Variants in DNASE1 observed in about 807,000 individuals in gnomAD.
DNASE1 encodes the protein deoxyribonuclease-1.
A neutral mutation model predicts 33.9 loss-of-function variants in DNASE1; 40 were observed. The observed-to-expected ratio is 1.18, with a 90% CI of 0.92 to 1.54. The LOEUF (loss-of-function observed/expected upper bound fraction) is 1.54. DNASE1 is among the 40% of genes most tolerant of loss of function. The pLI, the probability that DNASE1 is intolerant of heterozygous loss-of-function variation, is 0.00. For missense variants in DNASE1, 518 were observed against 372.6 expected (o/e 1.39, Z -3.21); for synonymous variants, 216 against 160.0 (o/e 1.35, Z -2.64).
downstream of DNASE1, chr16:3,662,866 C>T: frequency 2.5e-6 from 4 of 1,613,230 alleles, no homozygotes; most frequent in Non-Finnish European, 3.4e-6. Flanking sequence ...GTGGTCCATC[C>T]CCGGGAAAGC....
At chr16:3,623,476 C>G (rs1289496417) in intron 1 of DNASE1, among the ~76,000 whole-genome samples, 1 of 152,042 alleles carries the variant, frequency 6.6e-6, no homozygotes, top group Non-Finnish European at 1.5e-5. Context: ...GAAAAATAGG[C>G]AAATGGGACT....
chr16:3,662,918 C>T, downstream of DNASE1: 16 of 1,613,308 alleles, frequency 9.9e-6, no homozygotes, highest in Non-Finnish European at 1.4e-5. Flanking sequence ...GCACATTTCT[C>T]ATCCAGGCCA....
chr16:3,635,205 C>G (rs1301387222), intron 1 of DNASE1, among the ~76,000 whole-genome samples: 1 of 152,038 alleles, frequency 6.6e-6, no homozygotes, highest in East Asian at 1.9e-4. Context: ...TGCCTGTAAT[C>G]CCAGCACTTT....
intron 1 of DNASE1, among the ~76,000 whole-genome samples, chr16:3,625,939 A>G (rs766601071): frequency 1.3e-5 from 2 of 152,160 alleles, no homozygotes; most frequent in Non-Finnish European, 2.9e-5. Context: ...GTCTGAACAA[A>G]CAATTTAAAA....
At chr16:3,653,601 G>GT (rs1334526855), upstream of DNASE1, 1 of 152,050 alleles carries the variant, frequency 6.6e-6, no homozygotes, top group African/African-American at 2.4e-5. Flanking sequence ...AAGGTCACGA[G>GT]TTTGAGACCA....
chr16:3,638,912 C>T (rs542523518), upstream of DNASE1, among the ~76,000 whole-genome samples: 2 of 152,238 alleles, frequency 1.3e-5, no homozygotes, highest in South Asian at 4.2e-4. Flanking sequence ...CTTTTCATTT[C>T]AGGTTTTGTT....
chr16:3,654,595 A>C (rs2042474112), upstream of DNASE1: 1 of 398,802 alleles, frequency 2.5e-6, no homozygotes, highest in East Asian at 3.6e-5. Context: ...CTATCCTGGA[A>C]GATGGGGGCC....
intron 1 of DNASE1, among the ~76,000 whole-genome samples, chr16:3,627,321 G>A (rs2041544680): frequency 6.6e-6 from 1 of 150,644 alleles, no homozygotes; most frequent in Non-Finnish European, 1.5e-5. Context: ...TGTCACCCTG[G>A]CTGGAGTGCA....
chr16:3,649,903 T>C (rs1223298501), upstream of DNASE1, among the ~76,000 whole-genome samples: 2 of 151,940 alleles, frequency 1.3e-5, no homozygotes, highest in African/African-American at 4.8e-5. Flanking sequence ...TATTTCTCGG[T>C]GTGTTTTCCC....
exon 10 of DNASE1, chr16:3,664,005 G>C (rs1410100155): frequency 2.6e-6 from 1 of 391,350 alleles, no homozygotes; most frequent in East Asian, 4.9e-5. Context: ...GGAAGTTGCA[G>C]TGAGCCGAGA....
At chr16:3,650,003 T>TA (rs1338086970), upstream of DNASE1, among the ~76,000 whole-genome samples, 1 of 152,194 alleles carries the variant, frequency 6.6e-6, no homozygotes, top group African/African-American at 2.4e-5. Flanking sequence ...CATCCTTAAA[T>TA]AAAATGACCC....
At chr16:3,645,388 G>C (rs1035330837) in intron 1 of DNASE1, among the ~76,000 whole-genome samples, 1 of 152,250 alleles carries the variant, frequency 6.6e-6, no homozygotes. Flanking sequence ...CTGGAGTCCA[G>C]TTGCAGTTCG....
chr16:3,629,347 T>C (rs375373465), intron 1 of DNASE1, among the ~76,000 whole-genome samples: 21 of 152,148 alleles, frequency 1.4e-4, no homozygotes, highest in African/African-American at 4.6e-4. Context: ...ATTGAGATGA[T>C]GTGATATGTT....
intron 1 of DNASE1, among the ~76,000 whole-genome samples, chr16:3,635,380 C>A (rs1189054996): frequency 1.3e-5 from 2 of 150,038 alleles, no homozygotes. Flanking sequence ...ATTGCTTGAA[C>A]CTGGGAGGCA....
At chr16:3,624,841 A>G (rs2041452682) in intron 1 of DNASE1, among the ~76,000 whole-genome samples, 1 of 152,022 alleles carries the variant, frequency 6.6e-6, no homozygotes, top group Admixed American at 6.6e-5. Context: ...GGTTTCTTCC[A>G]GCACACCTGG....
chr16:3,660,221 C>T (rs1369687883), downstream of DNASE1: 1 of 152,394 alleles, frequency 6.6e-6, no homozygotes, highest in South Asian at 2.1e-4. Context: ...CACATAATCT[C>T]TGCAGAAATA....
At chr16:3,636,022 T>C (rs1414680741) in intron 1 of DNASE1, among the ~76,000 whole-genome samples, 1 of 152,224 alleles carries the variant, frequency 6.6e-6, no homozygotes, top group African/African-American at 2.4e-5. Flanking sequence ...CAGATACTTT[T>C]TCTGCTCATT....
At chr16:3,646,296 G>T (rs1050146593) in intron 1 of DNASE1, among the ~76,000 whole-genome samples, 1 of 152,122 alleles carries the variant, frequency 6.6e-6, no homozygotes, top group Non-Finnish European at 1.5e-5. Context: ...TGGCTGTGGA[G>T]CGCCTCCTCT....
At chr16:3,617,080 C>T (rs559324202) in intron 1 of DNASE1, among the ~76,000 whole-genome samples, 2 of 151,662 alleles carry the variant, frequency 1.3e-5, no homozygotes, top group South Asian at 4.2e-4. Context: ...GGTGGCTCAC[C>T]CCTGTAATCC....
Sources: allele counts gnomAD v4.1 joint callset (sites outside exome capture counted in the v4.1 genomes callset), GRCh38; gene constraint gnomAD v4.1.1; transcripts MANE v1.5; gene names NCBI Gene and HGNC (gene_info 2026-07-23, HGNC 2026-07-21).